Variants in SCGB2B2 observed in about 807,000 individuals in gnomAD.
SCGB2B2 encodes the protein secretoglobin-like protein.
In SCGB2B2, 11 loss-of-function variants were observed where a neutral mutation model predicts 7.6. The ratio of observed to expected loss-of-function variants is 1.45; its 90% CI spans 0.91 to 2.40. The LOEUF (loss-of-function observed/expected upper bound fraction) is 2.40. Ranked by LOEUF, SCGB2B2 falls within the 30% of genes most tolerant of loss-of-function variation. The pLI is 0.00. For synonymous variants in SCGB2B2, 50 were observed against 48.6 expected (o/e 1.03, Z -0.12); for missense variants, 104 against 115.4 (o/e 0.90, Z 0.45).
chr19:34,647,625 A>G (rs2067055651), intron 1 of SCGB2B2, among the ~76,000 whole-genome samples: 1 of 152,062 alleles, frequency 6.6e-6, no homozygotes, highest in Non-Finnish European at 1.5e-5. Context: ...GTCATCACCC[A>G]TGCACTCAGC....
intron 1 of SCGB2B2, among the ~76,000 whole-genome samples, chr19:34,628,307 T>TA (rs1246205725): frequency 2.6e-5 from 4 of 151,792 alleles, no homozygotes; most frequent in Non-Finnish European, 4.4e-5. Context: ...AAAAAAAAAC[T>TA]CTTCAAAAAA....
chr19:34,627,837 C>G (rs563153977), intron 1 of SCGB2B2, among the ~76,000 whole-genome samples: 4 of 152,120 alleles, frequency 2.6e-5, no homozygotes, highest in African/African-American at 9.7e-5. Flanking sequence ...AGCACCACAT[C>G]GCACTTCTTC....
intron 1 of SCGB2B2, chr19:34,634,864 G>C: frequency 3.6e-6 from 1 of 277,410 alleles, no homozygotes. Flanking sequence ...TCACCAGTGT[G>C]AACTCTCTGG....
intron 1 of SCGB2B2, among the ~76,000 whole-genome samples, chr19:34,664,546 T>C (rs753276504): frequency 6.6e-6 from 1 of 152,146 alleles, no homozygotes; most frequent in Non-Finnish European, 1.5e-5. Flanking sequence ...GCTCCATGAC[T>C]CCCTGGGTCC....
chr19:34,596,944 G>A (rs1019540516), intron 1 of SCGB2B2, among the ~76,000 whole-genome samples: 1 of 151,854 alleles, frequency 6.6e-6, no homozygotes, highest in Non-Finnish European at 1.5e-5. Flanking sequence ...CAGCTGGAGG[G>A]GTCTCTAGAG....
At chr19:34,606,769 C>T (rs2065791558) in intron 1 of SCGB2B2, among the ~76,000 whole-genome samples, 1 of 151,336 alleles carries the variant, frequency 6.6e-6, no homozygotes. Context: ...TAATCTCTCA[C>T]TCAGTTAATT....
chr19:34,622,584 T>C (rs1117963), intron 1 of SCGB2B2, among the ~76,000 whole-genome samples: 47,959 of 152,066 alleles, frequency 0.32, 8,402 homozygotes, highest in Middle Eastern at 0.47. Flanking sequence ...TTACTGAAGT[T>C]TGAAAGAGCT....
At chr19:34,648,155 C>T (rs1051399710) in intron 1 of SCGB2B2, among the ~76,000 whole-genome samples, 12 of 152,150 alleles carry the variant, frequency 7.9e-5, no homozygotes, top group African/African-American at 2.9e-4. Context: ...TATCCATTAG[C>T]CATCCAGGAG....
At chr19:34,635,291 C>G (rs1170035359) in intron 1 of SCGB2B2, 1 of 295,880 alleles carries the variant, frequency 3.4e-6, no homozygotes, top group East Asian at 9.2e-5. Flanking sequence ...TGTGGACTCT[C>G]TGGTGCTGAA....
intron 1 of SCGB2B2, among the ~76,000 whole-genome samples, chr19:34,675,387 A>G (rs2067897258): frequency 6.6e-6 from 1 of 152,134 alleles, no homozygotes; most frequent in Non-Finnish European, 1.5e-5. Context: ...AACCACACCC[A>G]CAGGATACAC....
At position 34,650,031 on chromosome 19, in the gene SCGB2B2, G is replaced by A. The variant is rs145761921; in HGVS notation, c.-2032+25599C>T. 1.2e-3 allele frequency among the ~76,000 whole-genome samples: 175 copies of A among 151,306 alleles called. 2 individuals carry two copies. The highest frequency in any genetic ancestry group is 1.9e-3 in the Non-Finnish European group (126 of 68,016). On this transcript the variant is annotated intron_variant, in intron 1 of 3. Coordinates refer to ENST00000601241, the MANE Select transcript of SCGB2B2 (RefSeq NM_001025591.4). ...CCTAAGTGTCCTGAGGGCAATAACC[G>A]GGGCGTAAATGCCCTATGTGTCTCC... is the stretch of plus-strand genomic sequence containing the variant.
chr19:34,619,685 C>T (rs1301736484), intron 1 of SCGB2B2, among the ~76,000 whole-genome samples: 1 of 152,116 alleles, frequency 6.6e-6, no homozygotes, highest in African/African-American at 2.4e-5. Flanking sequence ...AGACTGATTC[C>T]CTAAGCCAGG....
chr19:34,588,951 G>T (rs1330862110), downstream of SCGB2B2, among the ~76,000 whole-genome samples: 1 of 152,186 alleles, frequency 6.6e-6, no homozygotes, highest in African/African-American at 2.4e-5. Context: ...GTGGAAAGCT[G>T]GGGTGTACAG....
intron 1 of SCGB2B2, among the ~76,000 whole-genome samples, chr19:34,627,284 A>G (rs1460346193): frequency 1.3e-5 from 2 of 152,254 alleles, no homozygotes; most frequent in East Asian, 3.8e-4. Flanking sequence ...TAAATGGGCT[A>G]AATGCTCCAG....
At chr19:34,627,524 C>G (rs1018514973) in intron 1 of SCGB2B2, among the ~76,000 whole-genome samples, 8 of 152,110 alleles carry the variant, frequency 5.3e-5, no homozygotes, top group Non-Finnish European at 1.2e-4. Flanking sequence ...CAAAGAAGGC[C>G]ATTACATAAT....
chr19:34,647,702 A>C (rs1288443703), intron 1 of SCGB2B2, among the ~76,000 whole-genome samples: 1 of 152,194 alleles, frequency 6.6e-6, no homozygotes, highest in Non-Finnish European at 1.5e-5. Flanking sequence ...ATGAAGAACA[A>C]GGCAGATGAG....
intron 1 of SCGB2B2, among the ~76,000 whole-genome samples, chr19:34,661,232 C>T: frequency 6.6e-6 from 1 of 151,650 alleles, no homozygotes. Flanking sequence ...TGTAACAAAC[C>T]TGCATGTTAT....
At chr19:34,597,198 TCCTG>T (rs1407236428) in intron 1 of SCGB2B2, among the ~76,000 whole-genome samples, 2 of 152,008 alleles carry the variant, frequency 1.3e-5, no homozygotes, top group Non-Finnish European at 2.9e-5. Context: ...GAGAGGAAGT[TCCTG>T]CCTGTGTCAC....
At chr19:34,624,928 G>GA (rs1389224732) in intron 1 of SCGB2B2, among the ~76,000 whole-genome samples, 4 of 152,072 alleles carry the variant, frequency 2.6e-5, no homozygotes, top group Admixed American at 2.6e-4. Flanking sequence ...GATCTTACAA[G>GA]AAAAAAACAG....
Sources: allele counts gnomAD v4.1 joint callset (sites outside exome capture counted in the v4.1 genomes callset), GRCh38; gene constraint gnomAD v4.1.1; transcripts MANE v1.5; gene names NCBI Gene and HGNC (gene_info 2026-07-23, HGNC 2026-07-21).